Variants in YLPM1 observed in about 807,000 individuals in gnomAD.
YLPM1 encodes YLP motif-containing protein 1.
YLPM1 carries 99 observed loss-of-function variants against 230.0 expected under a neutral mutation model. That is an observed-to-expected ratio of 0.43 (90% confidence interval 0.37 to 0.51). YLPM1 has a LOEUF of 0.51. Ranked by LOEUF, YLPM1 falls within the 20% of genes least tolerant of loss-of-function variation. The probability of loss-of-function intolerance (pLI) is 0.00; values close to 1 mark genes in which losing one functional copy is unlikely to be tolerated. For missense variants in YLPM1, 2,592 were observed against 2,707.7 expected (o/e 0.96, Z 0.95); for synonymous variants, 984 against 942.5 (o/e 1.04, Z -0.81).
At chr14:74,769,856 C>CG (rs1254478089) in intron 1 of YLPM1, among the ~76,000 whole-genome samples, 1 of 98,370 alleles carries the variant, frequency 1.0e-5, no homozygotes, top group African/African-American at 3.6e-5. Flanking sequence ...GAGACACCCC[C>CG]CCCCCCGCCC....
At chr14:74,800,107 T>C (rs1232425775) in intron 5 of YLPM1, among the ~76,000 whole-genome samples, 1 of 152,258 alleles carries the variant, frequency 6.6e-6, no homozygotes, top group Non-Finnish European at 1.5e-5. Context: ...GATAAAACTT[T>C]GGAAAGTGCT....
rs762792128 is a variant in YLPM1 at position 74,782,163 on chromosome 14, C to G, written c.2120C>G (p.Ser707Cys). 6.2e-7 allele frequency: 1 copy of G among 1,612,602 alleles called. No individual in the cohort carries two copies. Among genetic ancestry groups the G allele is most frequent in the East Asian group, 2.2e-5 (1 of 44,880 alleles). ...AATTCAAAAGCTCCTTTGAGCAAGT[C>G]TGCTCTGCCATACAGTTCATTCTCA... Reference protein sequence around the residue: ...QVNSKAPLSKSALPYSSFSSD... With the variant: ...QVNSKAPLSKCALPYSSFSSD... The change falls in exon 4 of 21, where the codon TCT becomes TGT. Residue 707 changes from serine (S) to cysteine (C), a missense_variant. Physicochemically the swap from Ser to Cys is moderately radical, Grantham distance 112. Coordinates refer to ENST00000325680, the MANE Select transcript of YLPM1 (RefSeq NM_019589.3).
intron 1 of YLPM1, among the ~76,000 whole-genome samples, chr14:74,768,854 A>G (rs1184992774): frequency 6.6e-6 from 1 of 151,898 alleles, no homozygotes; most frequent in Admixed American, 6.6e-5. Context: ...AAATATCACT[A>G]GATTATTCCC....
chr14:74,826,351 T>G (rs1594846423), intron 18 of YLPM1, among the ~76,000 whole-genome samples: 2 of 152,326 alleles, frequency 1.3e-5, no homozygotes, highest in Admixed American at 1.3e-4. Context: ...TATGTTGCCT[T>G]CCTTATCATA....
At chr14:74,802,430 G>A (rs1425543519) in intron 5 of YLPM1, 126 bp from the exon 6 acceptor site, 2 of 1,057,728 alleles carry the variant, frequency 1.9e-6, no homozygotes, top group Non-Finnish European at 2.6e-6. Context: ...TCAGTGTATG[G>A]CCACTGCAGA....
chr14:74,770,873 A>G (rs531721555), intron 1 of YLPM1, among the ~76,000 whole-genome samples: 31 of 152,306 alleles, frequency 2.0e-4, no homozygotes, highest in African/African-American at 7.0e-4. Flanking sequence ...AAAAGGAGCA[A>G]GAGTGATTTA....
chr14:74,764,388 ATCTT>A, intron 1 of YLPM1, 26 bp downstream of exon 1: 2 of 1,567,376 alleles, frequency 1.3e-6, no homozygotes, highest in Middle Eastern at 1.7e-4. Flanking sequence ...CCTGAACCTC[ATCTT>A]TCACCTAGAG....
chr14:74,827,545 A>T, intron 18 of YLPM1: 3 of 985,444 alleles, frequency 3.0e-6, no homozygotes, highest in Non-Finnish European at 3.6e-6. Flanking sequence ...TACCCAGTGT[A>T]TGAGGAAAAG....
chr14:74,804,227 C>T (rs2091355624), intron 6 of YLPM1, among the ~76,000 whole-genome samples: 1 of 152,216 alleles, frequency 6.6e-6, no homozygotes, highest in Non-Finnish European at 1.5e-5. Flanking sequence ...GAGATTGGGA[C>T]TACCCCTATA....
At chr14:74,783,974 T>C (rs1318454449) in intron 4 of YLPM1, among the ~76,000 whole-genome samples, 1 of 152,216 alleles carries the variant, frequency 6.6e-6, no homozygotes, top group Non-Finnish European at 1.5e-5. Context: ...CAGTTGAGTC[T>C]AGAGGGTCCC....
rs1157317402 is a variant in YLPM1 at position 74,764,349 on chromosome 14, C to T, written c.860C>T (p.Thr287Met). The change falls in exon 1 of 21, where the codon ACG becomes ATG. Residue 287 changes from threonine to methionine, a missense_variant. Physicochemically the swap from Thr to Met is moderately conservative, Grantham distance 81. Coordinates refer to ENST00000325680, the MANE Select transcript of YLPM1 (RefSeq NM_019589.3). ...QQAAPEPDPS[T>M]MTPQEQQQYW... ...GCCGCCCCTGAGCCAGATCCCTCTACGATGACTCCACAGGTAAGAAAGCAT... is the reference window on the plus strand; with the variant it reads ...GCCGCCCCTGAGCCAGATCCCTCTATGATGACTCCACAGGTAAGAAAGCAT... 5.0e-6 allele frequency: 8 copies of T among 1,609,418 alleles called. No homozygotes were observed. The highest frequency in any genetic ancestry group is 3.4e-5 in the Admixed American group (2 of 59,348).
rs1176110060 is a variant in YLPM1 at position 74,810,429 on chromosome 14, T to TA, written c.5228+13dup. On this transcript the variant is annotated intron_variant, in intron 9 of 20. Transcript: ENST00000325680. ...CGACCCCGAGATGATAGGTATGCTA[T>TA]AAAACAATCTTTGCTAGGTGTACAA... 6 of 1,612,554 alleles carry TA rather than the reference T, an allele frequency of 3.7e-6. No individual in the cohort carries two copies. In the African/African-American group the frequency reaches 6.7e-5, roughly 18 times the overall value.
At position 74,810,404 on chromosome 14, in the gene YLPM1, C is replaced by T. The variant is rs1284025001; in HGVS notation, c.5212C>T (p.Arg1738Ter). The T allele has an allele frequency of 3.1e-6, 5 of 1,604,346 alleles. No homozygotes were observed. Among genetic ancestry groups the T allele is most frequent in the South Asian group, 1.1e-5 (1 of 90,194 alleles). Reference protein sequence around the residue: ...YDRDRFDRERRPRDDRAQSYR... With the variant: ...YDRDRFDRER ...CCGGGATCGATTTGACAGAGAACGCCGACCCCGAGATGATAGGTATGCTAT... is the reference window on the plus strand; with the variant it reads ...CCGGGATCGATTTGACAGAGAACGCTGACCCCGAGATGATAGGTATGCTAT... The change falls in exon 9 of 21, where the codon CGA becomes TGA. Residue 1738 changes from arginine to a stop codon, truncating the protein, a stop_gained. Coordinates refer to ENST00000325680, the MANE Select transcript of YLPM1 (RefSeq NM_019589.3). LOFTEE classifies it high-confidence loss of function.
chr14:74,780,756 G>T lies in YLPM1; in HGVS notation c.1290+172G>T, dbSNP rs80159242. 2.1e-3 allele frequency among the ~76,000 whole-genome samples: 327 copies of T among 152,272 alleles called. 3 individuals carry two copies. The East Asian group carries it at 0.039, about 18-fold the overall frequency. On this transcript the variant is annotated intron_variant, in intron 3 of 20. Transcript: ENST00000325680. The stretch of plus-strand genomic sequence containing the variant: ...CACATTACCTGGGGGACTGGGGAGG[G>T]GTTGGTTATAGTAGAGTTTCCTGAT...
chr14:74,830,356 C>T (rs538937671), intron 19 of YLPM1, among the ~76,000 whole-genome samples: 16 of 152,208 alleles, frequency 1.1e-4, no homozygotes, highest in African/African-American at 3.4e-4. Context: ...ATGTTGAATT[C>T]GATAGTGATA....
chr14:74,831,082 C>G (rs992457295), intron 19 of YLPM1, among the ~76,000 whole-genome samples: 2 of 152,104 alleles, frequency 1.3e-5, no homozygotes, highest in African/African-American at 4.8e-5. Context: ...TAATCAAACT[C>G]TTTAACTTTT....
At chr14:74,832,389 A>G (rs949852734) in intron 19 of YLPM1, among the ~76,000 whole-genome samples, 1 of 152,246 alleles carries the variant, frequency 6.6e-6, no homozygotes, top group African/African-American at 2.4e-5. Flanking sequence ...TAATTTTACT[A>G]TAGCATCAGT....
In YLPM1 at chr14:74,781,646, C is replaced by G. The variant is rs549952937; in HGVS notation, c.1603C>G (p.Pro535Ala). 45 of 1,613,382 alleles carry G rather than the reference C, an allele frequency of 2.8e-5. No individual in the cohort carries two copies. Among genetic ancestry groups the G allele is most frequent in the Non-Finnish European group, 3.7e-5 (44 of 1,179,798 alleles). ...GCCTCCACCTCTACCTACAATGCCC[C>G]CTCCAGTGTTGCCTCCTTCATTGCC... ...QMPPPLPTMP[P>A]PVLPPSLPPP... The change falls in exon 4 of 21, where the codon CCT becomes GCT. Residue 535 changes from proline to alanine, a missense_variant. Around this residue, in one of 4 missense-constraint regions of YLPM1, gnomAD observed 1,862 missense variants for 1,819.8 expected, o/e 1.02. Coordinates refer to ENST00000325680, the MANE Select transcript of YLPM1 (RefSeq NM_019589.3).
intron 5 of YLPM1, 50 bp from the exon 6 acceptor site, chr14:74,802,506 G>C: frequency 6.4e-7 from 1 of 1,550,604 alleles, no homozygotes; most frequent in Non-Finnish European, 8.7e-7. Context: ...AGTCACTTAG[G>C]AATGGAATAA....
Sources: allele counts gnomAD v4.1 joint callset (sites outside exome capture counted in the v4.1 genomes callset), GRCh38; gene constraint gnomAD v4.1.1; regional missense constraint gnomAD v4.1.1; transcripts MANE v1.5; gene names NCBI Gene and HGNC (gene_info 2026-07-23, HGNC 2026-07-21).